The following PAIP2 variants were observed in gnomAD, a reference collection of about 807,000 sequenced individuals.
PAIP2 encodes the protein poly(A) binding protein interacting protein 2, also known as polyadenylate-binding protein-interacting protein 2.
PAIP2 carries 7 observed loss-of-function variants against 14.8 expected under a neutral mutation model. That is an observed-to-expected ratio of 0.47 (90% CI 0.27 to 0.89). The LOEUF (loss-of-function observed/expected upper bound fraction) is 0.89. PAIP2 is among the 40% of genes least tolerant of loss of function. The probability of loss-of-function intolerance (pLI) is 0.13; values close to 1 mark genes in which losing one functional copy is unlikely to be tolerated. For missense variants in PAIP2, 122 were observed against 154.7 expected (o/e 0.79, Z 1.12); for synonymous variants, 47 against 45.3 (o/e 1.04, Z -0.15).
chr5:139,350,631 A>C (rs1390984704), intron 1 of PAIP2, among the ~76,000 whole-genome samples: 1 of 144,040 alleles, frequency 6.9e-6, no homozygotes, highest in Non-Finnish European at 1.6e-5. Context: ...ACTCTGTCTC[A>C]AAAAAATAAA....
In PAIP2 at chr5:139,358,619, C is replaced by G. The variant is rs542156997; in HGVS notation, c.-26-5140C>G. On this transcript the variant is annotated intron_variant, in intron 1 of 3. Coordinates refer to ENST00000265192, the MANE Select transcript of PAIP2 (RefSeq NM_016480.5). ...CAAAAAGTGGAAACGACTGCAGATG[C>G]TCATTAATCAGAGTAGATAAAATGT... is the stretch of plus-strand genomic sequence containing the variant. 2.0e-5 allele frequency among the ~76,000 whole-genome samples: 3 copies of G among 152,226 alleles called. No individual in the cohort carries two copies. In the East Asian group the frequency reaches 5.8e-4, roughly 29 times the overall value.
intron 3 of PAIP2, among the ~76,000 whole-genome samples, chr5:139,368,339 CAT>C (rs762978075): frequency 1.4e-4 from 21 of 149,524 alleles, no homozygotes; most frequent in Admixed American, 8.7e-4. Flanking sequence ...GACTCCGTCT[CAT>C]AAAAAAAAAA....
chr5:139,354,038 G>A (rs1756833501), intron 1 of PAIP2, among the ~76,000 whole-genome samples: 1 of 152,114 alleles, frequency 6.6e-6, no homozygotes, highest in African/African-American at 2.4e-5. Flanking sequence ...TTTAAATAAT[G>A]CAGAAAGAAA....
chr5:139,360,216 T>G (rs1011625083), intron 1 of PAIP2, among the ~76,000 whole-genome samples: 2 of 152,056 alleles, frequency 1.3e-5, no homozygotes, highest in Non-Finnish European at 2.9e-5. Flanking sequence ...CTGCCCGCCT[T>G]GGCCTCCCAA....
chr5:139,351,112 T>C (rs1756717683), intron 1 of PAIP2, among the ~76,000 whole-genome samples: 1 of 152,098 alleles, frequency 6.6e-6, no homozygotes, highest in Admixed American at 6.6e-5. Flanking sequence ...ATTGCAAAAA[T>C]AAAATACAAT....
In PAIP2 at chr5:139,363,808, T is replaced by C; in HGVS notation, c.24T>C (p.Ser8=). ...CCATGAAAGATCCAAGTCGCAGCAG[T>C]ACTAGCCCAAGCATCATCAATGAAG... MKDPSRS[S]TSPSIINEDV... Residue 8 remains serine (S), a synonymous_variant, in exon 2 of 4, where the codon AGT becomes AGC. Transcript: ENST00000265192. The C allele has an allele frequency of 6.2e-7, 1 of 1,614,184 alleles. No individual in the cohort carries two copies. The highest frequency in any genetic ancestry group is 8.5e-7 in the Non-Finnish European group (1 of 1,180,004).
intron 1 of PAIP2, among the ~76,000 whole-genome samples, chr5:139,357,877 A>G (rs188243394): frequency 3.1e-4 from 47 of 152,344 alleles, no homozygotes; most frequent in African/African-American, 1.1e-3. Context: ...ACTTGTACCA[A>G]GAATGCAGGC....
intron 1 of PAIP2, among the ~76,000 whole-genome samples, chr5:139,360,069 C>T (rs574197625): frequency 2.0e-5 from 3 of 151,582 alleles, no homozygotes; most frequent in East Asian, 2.0e-4. Flanking sequence ...CAGGTTCAAG[C>T]GATTCTTCTG....
At chr5:139,354,164 A>T (rs1416149710) in intron 1 of PAIP2, among the ~76,000 whole-genome samples, 1 of 150,226 alleles carries the variant, frequency 6.7e-6, no homozygotes, top group East Asian at 1.9e-4. Context: ...GAGTTCTTTC[A>T]TTTCAGCCTG....
intron 1 of PAIP2, among the ~76,000 whole-genome samples, chr5:139,351,166 T>C (rs1014153599): frequency 2.0e-5 from 3 of 152,188 alleles, no homozygotes; most frequent in African/African-American, 7.2e-5. Context: ...GCAAAATGGA[T>C]GCACCCAAAC....
At chr5:139,348,425 G>A (rs1304549155) in intron 1 of PAIP2, among the ~76,000 whole-genome samples, 1 of 151,410 alleles carries the variant, frequency 6.6e-6, no homozygotes, top group African/African-American at 2.4e-5. Flanking sequence ...CGTAGTCTCA[G>A]CTGACTGCAA....
intron 3 of PAIP2, among the ~76,000 whole-genome samples, chr5:139,367,026 C>T (rs1335311779): frequency 6.6e-6 from 1 of 152,116 alleles, no homozygotes; most frequent in Non-Finnish European, 1.5e-5. Context: ...TTCCGCTGCC[C>T]TCCAGTCTAA....
At chr5:139,351,345 TTG>T (rs1222360966) in intron 1 of PAIP2, among the ~76,000 whole-genome samples, 1 of 151,194 alleles carries the variant, frequency 6.6e-6, no homozygotes, top group Non-Finnish European at 1.5e-5. Flanking sequence ...CATAGCAAGA[TTG>T]TGTGTAATGG....
intron 2 of PAIP2, 59 bp from the exon 3 acceptor site, chr5:139,364,505 A>C: frequency 1.0e-6 from 1 of 994,070 alleles, no homozygotes; most frequent in Non-Finnish European, 1.5e-6. Flanking sequence ...AGATATTTTA[A>C]GCCATTCCTA....
chr5:139,368,071 T>TA (rs1171260549), intron 3 of PAIP2, among the ~76,000 whole-genome samples: 4 of 151,876 alleles, frequency 2.6e-5, no homozygotes, highest in Non-Finnish European at 5.9e-5. Flanking sequence ...CGCGGTGGCT[T>TA]ACGCCTGTAA....
intron 1 of PAIP2, among the ~76,000 whole-genome samples, chr5:139,357,882 G>T (rs1346893996): frequency 6.6e-6 from 1 of 152,142 alleles, no homozygotes. Flanking sequence ...TACCAAGAAT[G>T]CAGGCTATTG....
At chr5:139,354,548 T>A (rs1756848368) in intron 1 of PAIP2, among the ~76,000 whole-genome samples, 1 of 152,204 alleles carries the variant, frequency 6.6e-6, no homozygotes, top group Non-Finnish European at 1.5e-5. Flanking sequence ...TAGATTTGTG[T>A]CTTTTTATCA....
intron 1 of PAIP2, among the ~76,000 whole-genome samples, chr5:139,347,431 G>A (rs964862315): frequency 1.3e-5 from 2 of 151,860 alleles, no homozygotes; most frequent in African/African-American, 2.4e-5. Context: ...CCACCACCAT[G>A]CCCGGCTAAT....
intron 1 of PAIP2, among the ~76,000 whole-genome samples, chr5:139,352,503 T>TTTTTTTTTTTTTTTTTTTTTTTTTTTTG (rs1422182919): frequency 6.8e-4 from 84 of 124,434 alleles, no homozygotes; most frequent in Non-Finnish European, 1.0e-3. Context: ...TTTTTTGTTG[T>TTTTTTTTTTTTTTTTTTTTTTTTTTTTG]TTTTTTTTTT....
Sources: allele counts gnomAD v4.1 joint callset (sites outside exome capture counted in the v4.1 genomes callset), GRCh38; gene constraint gnomAD v4.1.1; transcripts MANE v1.5; gene names NCBI Gene and HGNC (gene_info 2026-07-23, HGNC 2026-07-21).